The following FSTL4 variants were observed in gnomAD, a reference collection of about 807,000 sequenced individuals.
The protein encoded by FSTL4 is follistatin-related protein 4.
A neutral mutation model predicts 78.2 loss-of-function variants in FSTL4; 28 were observed. That is an observed-to-expected ratio of 0.36 (90% confidence interval 0.27 to 0.49). The LOEUF (loss-of-function observed/expected upper bound fraction) is 0.49, where lower values mean the gene tolerates loss of function less well. Ranked by LOEUF, FSTL4 falls within the 20% of genes least tolerant of loss-of-function variation. The probability of loss-of-function intolerance (pLI) is 0.98; values close to 1 mark genes in which losing one functional copy is unlikely to be tolerated. For synonymous variants in FSTL4, 422 were observed against 440.5 expected (o/e 0.96, Z 0.53); for missense variants, 922 against 1,084.9 (o/e 0.85, Z 2.11).
chr5:133,262,514 G>T (rs1752556287), intron 6 of FSTL4, among the ~76,000 whole-genome samples: 1 of 152,164 alleles, frequency 6.6e-6, no homozygotes, highest in African/African-American at 2.4e-5. Context: ...AATGTCCACA[G>T]CTCCTCCTGT....
chr5:133,503,978 A>C (rs927532894), intron 3 of FSTL4, among the ~76,000 whole-genome samples: 8 of 152,190 alleles, frequency 5.3e-5, no homozygotes, highest in African/African-American at 1.9e-4. Context: ...GGTGGGAGGA[A>C]TGAGAAGAAT....
chr5:133,754,039 T>C, the FSTL4 span, among the ~76,000 whole-genome samples: 2 of 152,186 alleles, frequency 1.3e-5, no homozygotes, highest in African/African-American at 2.4e-5. Context: ...AGCTCTGCTG[T>C]ACCATTCGTG....
At chr5:133,476,865 A>G (rs1367222640) in intron 3 of FSTL4, among the ~76,000 whole-genome samples, 2 of 152,132 alleles carry the variant, frequency 1.3e-5, no homozygotes, top group Non-Finnish European at 2.9e-5. Flanking sequence ...TGGTCATGGG[A>G]TCCTTCTTCA....
chr5:133,423,356 A>T (rs912501447), intron 3 of FSTL4, among the ~76,000 whole-genome samples: 2 of 152,138 alleles, frequency 1.3e-5, no homozygotes, highest in African/African-American at 4.8e-5. Flanking sequence ...GCCAGCTAGG[A>T]GCTGGAGAAG....
intron 4 of FSTL4, among the ~76,000 whole-genome samples, chr5:133,341,182 T>A (rs944286069): frequency 6.6e-6 from 1 of 151,020 alleles, no homozygotes; most frequent in East Asian, 1.9e-4. Context: ...GAGTTCACAT[T>A]AACTTTACTA....
chr5:133,464,761 G>A (rs1757669953), intron 3 of FSTL4, among the ~76,000 whole-genome samples: 1 of 152,206 alleles, frequency 6.6e-6, no homozygotes, highest in Non-Finnish European at 1.5e-5. Context: ...GGATTTGATC[G>A]GGGAAATTCT....
At chr5:133,697,240 C>T in the FSTL4 span, among the ~76,000 whole-genome samples, 1 of 152,176 alleles carries the variant, frequency 6.6e-6, no homozygotes, top group Non-Finnish European at 1.5e-5. Flanking sequence ...CCTGCTGTTC[C>T]CATCTACCAC....
intron 13 of FSTL4, among the ~76,000 whole-genome samples, chr5:133,212,183 C>T (rs1750753807): frequency 6.6e-6 from 1 of 152,204 alleles, no homozygotes; most frequent in Non-Finnish European, 1.5e-5. Context: ...ACCATCTTGA[C>T]AACACATTCT....
intron 3 of FSTL4, among the ~76,000 whole-genome samples, chr5:133,557,793 G>A (rs1759820471): frequency 1.3e-5 from 2 of 152,168 alleles, no homozygotes; most frequent in Non-Finnish European, 2.9e-5. Context: ...CACCCTCACT[G>A]GACTATCCAA....
chr5:133,564,914 ATACT>A (rs1192436525), intron 3 of FSTL4, among the ~76,000 whole-genome samples: 1 of 152,232 alleles, frequency 6.6e-6, no homozygotes, highest in Non-Finnish European at 1.5e-5. Context: ...CTCAACACAC[ATACT>A]TAGTCAAGAG....
chr5:133,679,718 ATG>A, the FSTL4 span, among the ~76,000 whole-genome samples: 1 of 152,160 alleles, frequency 6.6e-6, no homozygotes, highest in African/African-American at 2.4e-5. Flanking sequence ...TGTCCTGAGC[ATG>A]TGGGAGCTTC....
chr5:133,680,624 T>C, the FSTL4 span, among the ~76,000 whole-genome samples: 1 of 152,150 alleles, frequency 6.6e-6, no homozygotes, highest in African/African-American at 2.4e-5. Flanking sequence ...TGCCTCCCAA[T>C]GTGTCCTCAA....
the FSTL4 span, among the ~76,000 whole-genome samples, chr5:133,683,574 G>T: frequency 6.6e-6 from 1 of 152,282 alleles, no homozygotes; most frequent in African/African-American, 2.4e-5. Flanking sequence ...ATCAAGATCC[G>T]ATTTGTTTAA....
the FSTL4 span, among the ~76,000 whole-genome samples, chr5:133,703,099 A>G: frequency 6.6e-6 from 1 of 152,260 alleles, no homozygotes; most frequent in Admixed American, 6.5e-5. Flanking sequence ...TAGCTTATTA[A>G]CTGGAGATGG....
Position 133,288,522 on chromosome 5 carries a change from C to T in FSTL4, c.727+24132G>A, listed in dbSNP as rs553943492. Among the ~76,000 whole-genome samples, 12 of 152,368 alleles carry T rather than the reference C, an allele frequency of 7.9e-5. No individual in the cohort carries two copies. The South Asian group carries it at 2.5e-3, about 32-fold the overall frequency. ...CATATTCAGTACCCACAAGACCAAACACAGACCCTGCCCAGCCACGAGGGG... is the reference window on the plus strand; with the variant it reads ...CATATTCAGTACCCACAAGACCAAATACAGACCCTGCCCAGCCACGAGGGG... On this transcript the variant is annotated intron_variant, in intron 6 of 15. Transcript: ENST00000265342.
the FSTL4 span, among the ~76,000 whole-genome samples, chr5:133,793,874 A>T: frequency 6.6e-6 from 1 of 152,226 alleles, no homozygotes; most frequent in Non-Finnish European, 1.5e-5. Flanking sequence ...AGGGAGGAAA[A>T]GAGAACGTAT....
chr5:133,258,665 T>A (rs1439864055), intron 6 of FSTL4, among the ~76,000 whole-genome samples: 1 of 152,210 alleles, frequency 6.6e-6, no homozygotes, highest in East Asian at 1.9e-4. Context: ...AAGAACATGG[T>A]CTAGTCACTG....
chr5:133,657,846 AGGGACACCTG>A, the FSTL4 span, among the ~76,000 whole-genome samples: 1 of 147,298 alleles, frequency 6.8e-6, no homozygotes. Flanking sequence ...ATTTTCTCCT[AGGGACACCTG>A]GGCTCCCTTA....
At chr5:133,504,217 G>A (rs969034029) in intron 3 of FSTL4, among the ~76,000 whole-genome samples, 15 of 152,080 alleles carry the variant, frequency 9.9e-5, no homozygotes, top group Middle Eastern at 3.4e-3. Context: ...TCCTCCCCCC[G>A]AAACTCCCTG....
Sources: allele counts gnomAD v4.1 joint callset (sites outside exome capture counted in the v4.1 genomes callset), GRCh38; gene constraint gnomAD v4.1.1; transcripts MANE v1.5; gene names NCBI Gene and HGNC (gene_info 2026-07-23, HGNC 2026-07-21).